The following SLC9A4 variants were observed in gnomAD, a reference collection of about 807,000 sequenced individuals.
SLC9A4 encodes sodium/hydrogen exchanger 4.
A neutral mutation model predicts 67.4 loss-of-function variants in SLC9A4; 63 were observed. That is an observed-to-expected ratio of 0.93 (90% CI 0.76 to 1.15). SLC9A4 has a LOEUF of 1.15. Ranked by LOEUF, SLC9A4 falls within the 50% of genes most tolerant of loss-of-function variation. The probability of loss-of-function intolerance (pLI) is 0.00; values close to 1 mark genes in which losing one functional copy is unlikely to be tolerated. For synonymous variants in SLC9A4, 393 were observed against 367.2 expected, an observed-to-expected ratio of 1.07 and a Z score of -0.80; for missense variants, 1,089 against 987.7, an observed-to-expected ratio of 1.10 and a Z score of -1.38.
chr2:102,511,970 A>G lies in SLC9A4; in HGVS notation c.1489-233A>G, dbSNP rs13423747. 5.5e-3 allele frequency among the ~76,000 whole-genome samples: 832 copies of G among 152,244 alleles called. 16 individuals carry two copies. The highest frequency in any genetic ancestry group is 0.019 in the African/African-American group (798 of 41,548). On this transcript the variant is annotated intron_variant, in intron 6 of 11. Transcript: ENST00000295269. ...GCCAGGTGCCCTGTTTTCATTACGTATTATGTGAATTATGAAGAAACTTAT... is the reference window on the plus strand; with the variant it reads ...GCCAGGTGCCCTGTTTTCATTACGTGTTATGTGAATTATGAAGAAACTTAT...
At position 102,508,059 on chromosome 2, in the gene SLC9A4, A is replaced by G. The variant is rs758218609; in HGVS notation, c.1199-20A>G. 5 of 1,611,182 alleles carry G rather than the reference A, an allele frequency of 3.1e-6. No homozygotes were observed. Among genetic ancestry groups the G allele is most frequent in the Non-Finnish European group, 4.2e-6 (5 of 1,177,452 alleles). ...CTCGTTCATGATCCTCTGCTCTAAT[A>G]CACGTTTCCCCCTTTCTAGGCGTAT... On this transcript the variant is annotated intron_variant, in intron 4 of 11. Coordinates refer to ENST00000295269, the MANE Select transcript of SLC9A4 (RefSeq NM_001011552.4).
intron 11 of SLC9A4, among the ~76,000 whole-genome samples, chr2:102,531,322 T>C (rs1020596421): frequency 1.1e-4 from 17 of 152,156 alleles, no homozygotes; most frequent in Non-Finnish European, 7.3e-5. Context: ...GAGTAAATGA[T>C]ATATGTGAGA....
chr2:102,488,019 C>G (rs1195120161), intron 2 of SLC9A4, among the ~76,000 whole-genome samples: 2 of 152,162 alleles, frequency 1.3e-5, no homozygotes, highest in African/African-American at 4.8e-5. Context: ...AACCATGGAC[C>G]TGCTTGTTCT....
chr2:102,489,793 G>A (rs1573332745), intron 2 of SLC9A4, among the ~76,000 whole-genome samples: 1 of 152,158 alleles, frequency 6.6e-6, no homozygotes, highest in Non-Finnish European at 1.5e-5. Context: ...AGGTGAAAGA[G>A]CTTCCTCTCT....
At chr2:102,500,765 G>T (rs1167109129) in intron 2 of SLC9A4, among the ~76,000 whole-genome samples, 1 of 152,072 alleles carries the variant, frequency 6.6e-6, no homozygotes, top group Non-Finnish European at 1.5e-5. Context: ...GCTTTTGCTT[G>T]TATCTGTCCC....
At position 102,474,029 on chromosome 2, in the gene SLC9A4, CA is replaced by C. The variant is rs757467470; in HGVS notation, c.256+15del. On this transcript the variant is annotated intron_variant, in intron 1 of 11. Coordinates refer to ENST00000295269, the MANE Select transcript of SLC9A4 (RefSeq NM_001011552.4). ...TTGCAAAAATAGGTAAGTCCTTAAA[CA>C]CCTGGTTTGGTGAGTTATCTTTTTA... 4.3e-6 allele frequency: 7 copies of C among 1,609,814 alleles called. No individual in the cohort carries two copies. In the South Asian group the frequency reaches 7.7e-5, roughly 18 times the overall value.
At chr2:102,492,697 G>T (rs373163677) in intron 2 of SLC9A4, among the ~76,000 whole-genome samples, 1 of 152,146 alleles carries the variant, frequency 6.6e-6, no homozygotes, top group African/African-American at 2.4e-5. Flanking sequence ...ATATGTCCTG[G>T]AGACCCTGGA....
intron 11 of SLC9A4, among the ~76,000 whole-genome samples, chr2:102,527,007 G>A (rs955669924): frequency 6.6e-6 from 1 of 151,986 alleles, no homozygotes; most frequent in Non-Finnish European, 1.5e-5. Flanking sequence ...GGAAATTCAC[G>A]TAAACTAAAC....
Position 102,505,713 on chromosome 2 carries a change from T to G in SLC9A4, c.1198+242T>G, listed in dbSNP as rs961432086. The G allele has an allele frequency of 3.1e-5, 13 of 423,398 alleles. No individual in the cohort carries two copies. In the Admixed American group the frequency reaches 3.6e-4, roughly 12 times the overall value. The allele number at this position is 423,398 out of a possible 1,614,324, so 26.2% of individuals were successfully genotyped here. On this transcript the variant is annotated intron_variant, in intron 4 of 11. Coordinates refer to ENST00000295269, the MANE Select transcript of SLC9A4 (RefSeq NM_001011552.4). The stretch of plus-strand genomic sequence containing the variant: ...GGCTGGGGCAAGGAGTACTTTTTTT[T>G]AATTGAAGAAAGAAGTTTCACATCT...
chr2:102,521,624 C>T (rs1417070397), intron 9 of SLC9A4, among the ~76,000 whole-genome samples: 1 of 152,182 alleles, frequency 6.6e-6, no homozygotes, highest in East Asian at 1.9e-4. Context: ...TTCTCTCTTC[C>T]ACCATGGTCC....
chr2:102,505,365 C>T lies in SLC9A4; in HGVS notation c.1092C>T (p.Thr364=). The T allele has an allele frequency of 6.2e-7, 1 of 1,614,232 alleles. No homozygotes were observed. The highest frequency in any genetic ancestry group is 8.5e-7 in the Non-Finnish European group (1 of 1,180,040). The change falls in exon 4 of 12, where the codon ACC becomes ACT. Residue 364 remains threonine (T), a synonymous_variant. Transcript: ENST00000295269. ...AGATGCTGAGCAGCGTCAGCGAGACCTTGATCTTCATCTTCATGGGTGTGT... is the reference window on the plus strand; with the variant it reads ...AGATGCTGAGCAGCGTCAGCGAGACTTTGATCTTCATCTTCATGGGTGTGT... ...FMKMLSSVSE[T]LIFIFMGVST... is the part of the protein sequence containing the mutation.
At chr2:102,525,454 G>A (rs550839817) in intron 10 of SLC9A4, among the ~76,000 whole-genome samples, 2 of 151,044 alleles carry the variant, frequency 1.3e-5, no homozygotes, top group African/African-American at 4.8e-5. Flanking sequence ...ACCAGGTACT[G>A]ACCATGCCCT....
chr2:102,527,708 A>T (rs961147864), intron 11 of SLC9A4, among the ~76,000 whole-genome samples: 4 of 152,238 alleles, frequency 2.6e-5, no homozygotes, highest in Non-Finnish European at 5.9e-5. Flanking sequence ...AACAGTCTGT[A>T]AGAATGATCT....
rs531706948 is a variant in SLC9A4 at position 102,483,175 on chromosome 2, G to A, written c.720+3873G>A. On this transcript the variant is annotated intron_variant, in intron 2 of 11. Transcript: ENST00000295269. ...CTCTGCTGGGTAGAGCTGCTGTTGC[G>A]TTGGCTCCGTGGGGTTGTCCACACT... Among the ~76,000 whole-genome samples the A allele has an allele frequency of 8.5e-5, 13 of 152,342 alleles. No homozygotes were observed. In the South Asian group the frequency reaches 1.9e-3, roughly 22 times the overall value.
chr2:102,521,005 C>A (rs938586418), intron 9 of SLC9A4, among the ~76,000 whole-genome samples: 2 of 152,184 alleles, frequency 1.3e-5, no homozygotes, highest in African/African-American at 2.4e-5. Flanking sequence ...AATGGTAGTG[C>A]GCTTAGAGTA....
At chr2:102,477,481 T>A (rs1358547884) in intron 1 of SLC9A4, among the ~76,000 whole-genome samples, 1 of 152,190 alleles carries the variant, frequency 6.6e-6, no homozygotes, top group Non-Finnish European at 1.5e-5. Context: ...GTGCTAAGCA[T>A]TTGGGGACAT....
intron 8 of SLC9A4, among the ~76,000 whole-genome samples, chr2:102,518,246 A>G (rs1212099740): frequency 6.6e-6 from 1 of 152,208 alleles, no homozygotes; most frequent in Non-Finnish European, 1.5e-5. Flanking sequence ...CTACTGCTAT[A>G]TCAAGTGTAA....
At chr2:102,521,844 C>T (rs576941929) in intron 9 of SLC9A4, among the ~76,000 whole-genome samples, 8 of 152,156 alleles carry the variant, frequency 5.3e-5, no homozygotes, top group African/African-American at 1.2e-4. Flanking sequence ...CCATCTTGGG[C>T]GTCGGGATTT....
At position 102,511,090 on chromosome 2, in the gene SLC9A4, T is replaced by C. The variant is rs190593437; in HGVS notation, c.1489-1113T>C. Among the ~76,000 whole-genome samples, 9 of 152,308 alleles carry C rather than the reference T, an allele frequency of 5.9e-5. No individual in the cohort carries two copies. The East Asian group carries it at 9.6e-4, about 16-fold the overall frequency. ...ACATGAGATTCAAGCTTTGAGGAGA[T>C]AGTTGAACTTGAAAAATTTTAGGTT... On this transcript the variant is annotated intron_variant, in intron 6 of 11. Transcript: ENST00000295269.
Sources: gnomAD v4.1 joint callset for allele counts (sites outside exome capture counted in the v4.1 genomes callset) on GRCh38, gnomAD v4.1.1 for gene constraint, MANE v1.5 for transcripts, NCBI Gene and HGNC (gene_info 2026-07-23, HGNC 2026-07-21) for gene names.